The following COL15A1 variants were observed in gnomAD, a reference collection of about 807,000 sequenced individuals.
COL15A1 encodes the protein collagen alpha-1(XV) chain.
Under a neutral mutation model 165.9 loss-of-function variants are expected in COL15A1, and 111 were observed. The observed-to-expected ratio is 0.67, with a 90% CI of 0.57 to 0.78. The LOEUF is 0.78. Ranked by LOEUF, COL15A1 falls within the 30% of genes least tolerant of loss-of-function variation. The pLI, the probability that COL15A1 is intolerant of heterozygous loss-of-function variation, is 0.00. For missense variants in COL15A1, 1,745 were observed against 1,789.7 expected (o/e 0.98, Z 0.45); for synonymous variants, 659 against 674.8 (o/e 0.98, Z 0.36).
At chr9:99,066,607 T>A (rs553452127) in intron 39 of COL15A1, among the ~76,000 whole-genome samples, 1 of 126,434 alleles carries the variant, frequency 7.9e-6, no homozygotes, top group Non-Finnish European at 1.7e-5. Context: ...CTGTTTTTTT[T>A]TTTTTTTTTT....
In COL15A1 at chr9:99,049,773, A is replaced by C; in HGVS notation, c.2862+15A>C. The C allele has an allele frequency of 6.2e-7, 1 of 1,614,252 alleles. No individual in the cohort carries two copies. Among genetic ancestry groups the C allele is most frequent in the Non-Finnish European group, 8.5e-7 (1 of 1,180,044 alleles). On this transcript the variant is annotated intron_variant, in intron 29 of 41. Transcript: ENST00000375001. ...ACATCAAAGGAGTAAGTTGGCACGC[A>C]GTGGGAAGACCTTCCCGATTGGCCT...
Position 99,069,799 on chromosome 9 carries a change from G to A in COL15A1, c.4080G>A (p.Lys1360=), listed in dbSNP as rs145656693. 1.1e-4 allele frequency: 170 copies of A among 1,614,118 alleles called. No individual in the cohort carries two copies. The highest frequency in any genetic ancestry group is 1.3e-4 in the Non-Finnish European group (159 of 1,180,044). The change falls in exon 42 of 42, where the codon AAG becomes AAA. Residue 1360 remains lysine, a synonymous_variant. Coordinates refer to ENST00000375001, the MANE Select transcript of COL15A1 (RefSeq NM_001855.5). ...TTGCCTCCCCGCTGAGCACGGGGAAGATTCTGGACCAGAAAGCATACAGCT... is the reference window on the plus strand; with the variant it reads ...TTGCCTCCCCGCTGAGCACGGGGAAAATTCTGGACCAGAAAGCATACAGCT... ...TGLASPLSTG[K]ILDQKAYSCA... is the part of the protein sequence containing the mutation.
At chr9:99,052,473 T>C in intron 31 of COL15A1, 40 bp downstream of exon 31, 1 of 1,505,890 alleles carries the variant, frequency 6.6e-7, no homozygotes, top group Non-Finnish European at 9.2e-7. Flanking sequence ...CTCTGGGACA[T>C]CTCCTTGAGG....
chr9:99,049,976 C>T, intron 30 of COL15A1, 81 bp downstream of exon 30: 1 of 1,573,394 alleles, frequency 6.4e-7, no homozygotes, highest in Non-Finnish European at 8.7e-7. Context: ...TTGTCTTGGG[C>T]CCTTTCTATC....
At chr9:99,056,762 C>T (rs1825726761) in intron 35 of COL15A1, among the ~76,000 whole-genome samples, 1 of 152,182 alleles carries the variant, frequency 6.6e-6, no homozygotes, top group Admixed American at 6.5e-5. Flanking sequence ...CTTCTGTCTC[C>T]AGATTTGCCT....
Position 98,944,258 on chromosome 9 carries a change from AC to A in COL15A1, c.100+11del, listed in dbSNP as rs1564000047. On this transcript the variant is annotated intron_variant, in intron 2 of 41. Coordinates refer to ENST00000375001, the MANE Select transcript of COL15A1 (RefSeq NM_001855.5). ...AGACCCGCGGTGCGACAGGTAAGCA[AC>A]CCGGTCGGAGGGTGGCACCGGCTGC... The A allele has an allele frequency of 6.2e-7, 1 of 1,612,638 alleles. No homozygotes were observed. The highest frequency in any genetic ancestry group is 1.7e-5 in the Admixed American group (1 of 59,932).
intron 11 of COL15A1, among the ~76,000 whole-genome samples, chr9:99,018,776 T>C (rs1174793579): frequency 1.3e-5 from 2 of 152,232 alleles, no homozygotes; most frequent in Non-Finnish European, 2.9e-5. Context: ...ACCTAGTATA[T>C]TGTGTGGTTA....
chr9:99,063,785 G>A (rs116492355), intron 39 of COL15A1, among the ~76,000 whole-genome samples: 149 of 152,270 alleles, frequency 9.8e-4, no homozygotes, highest in African/African-American at 3.4e-3. Context: ...CAATTGGAGA[G>A]ACATGAAGGA....
intron 2 of COL15A1, among the ~76,000 whole-genome samples, chr9:98,944,734 C>T (rs1455622322): frequency 2.0e-5 from 3 of 152,250 alleles, no homozygotes; most frequent in Admixed American, 6.5e-5. Context: ...GTTGCTTAAC[C>T]CAGCTCTGAG....
rs937166468 is a variant in COL15A1, at chr9:99,009,507, G to T, written c.1353+4457G>T. ...TCTTTTGGACTTCAGGGGAATAATA[G>T]CTCAGAAGAAAAGCTTTCTTGGTTC... On this transcript the variant is annotated intron_variant, in intron 9 of 41. Coordinates refer to ENST00000375001, the MANE Select transcript of COL15A1 (RefSeq NM_001855.5). Among the ~76,000 whole-genome samples, 9 of 152,098 alleles carry T rather than the reference G, an allele frequency of 5.9e-5. 1 individual carries two copies. Among genetic ancestry groups the T allele is most frequent in the Non-Finnish European group, 8.8e-5 (6 of 68,024 alleles).
At chr9:98,987,445 A>T in intron 4 of COL15A1, 77 bp downstream of exon 4, 1 of 1,337,914 alleles carries the variant, frequency 7.5e-7, no homozygotes, top group Middle Eastern at 1.9e-4. Flanking sequence ...ATGCCCAGAC[A>T]GTGGCGTGGA....
At position 98,965,626 on chromosome 9, in the gene COL15A1, T is replaced by G. The variant is rs78274025; in HGVS notation, c.101-19939T>G. Among the ~76,000 whole-genome samples the G allele has an allele frequency of 5.8e-3, 876 of 152,332 alleles. 5 individuals carry two copies. The highest frequency in any genetic ancestry group is 0.02 in the African/African-American group (834 of 41,586). On this transcript the variant is annotated intron_variant, in intron 2 of 41. Coordinates refer to ENST00000375001, the MANE Select transcript of COL15A1 (RefSeq NM_001855.5). The stretch of plus-strand genomic sequence containing the variant: ...CTTGGAATCACTCACTTGGCCCTTG[T>G]TTTCCTAATTGTGTGGGTTTGCTCA...
chr9:98,965,132 G>A (rs1004716974), intron 2 of COL15A1, among the ~76,000 whole-genome samples: 5 of 152,068 alleles, frequency 3.3e-5, no homozygotes, highest in African/African-American at 1.2e-4. Context: ...CCCTCTCCTT[G>A]GCAAGAAAAA....
chr9:98,974,057 A>G (rs906180664), intron 2 of COL15A1, among the ~76,000 whole-genome samples: 2 of 152,226 alleles, frequency 1.3e-5, no homozygotes, highest in African/African-American at 4.8e-5. Flanking sequence ...CTGAGAGGTC[A>G]GGATGTAGAA....
At chr9:98,980,835 C>T (rs1475390098) in intron 2 of COL15A1, among the ~76,000 whole-genome samples, 2 of 152,140 alleles carry the variant, frequency 1.3e-5, no homozygotes, top group Non-Finnish European at 2.9e-5. Context: ...TTGAAAAGCC[C>T]CGTGGACCTC....
intron 13 of COL15A1, among the ~76,000 whole-genome samples, chr9:99,022,859 C>T (rs73503746): frequency 0.072 from 11,039 of 152,272 alleles, 1,040 homozygotes; most frequent in African/African-American, 0.2. Flanking sequence ...ACTGAGGGCT[C>T]TCTGGGTGCT....
chr9:99,037,915 G>A (rs1019091312), intron 21 of COL15A1, among the ~76,000 whole-genome samples: 4 of 152,176 alleles, frequency 2.6e-5, no homozygotes, highest in Non-Finnish European at 5.9e-5. Flanking sequence ...AGAGGATAGT[G>A]CACATGGGTG....
At chr9:98,949,771 T>A (rs1178413438) in intron 2 of COL15A1, among the ~76,000 whole-genome samples, 5 of 152,232 alleles carry the variant, frequency 3.3e-5, no homozygotes, top group African/African-American at 1.2e-4. Context: ...GCAATCAACA[T>A]CTCTATCAAG....
intron 15 of COL15A1, among the ~76,000 whole-genome samples, 199 bp downstream of exon 15, chr9:99,025,198 C>A (rs1839102835): frequency 6.6e-6 from 1 of 152,220 alleles, no homozygotes; most frequent in South Asian, 2.1e-4. Context: ...AAAACATCAT[C>A]CTACGTATTG....
Sources: gnomAD v4.1 joint callset for allele counts (sites outside exome capture counted in the v4.1 genomes callset) on GRCh38, gnomAD v4.1.1 for gene constraint, MANE v1.5 for transcripts, NCBI Gene and HGNC (gene_info 2026-07-23, HGNC 2026-07-21) for gene names.